Variants in PRKN observed in about 807,000 individuals in gnomAD.
PRKN encodes the protein parkin RBR E3 ubiquitin protein ligase, also known as E3 ubiquitin-protein ligase parkin.
In PRKN, 56 loss-of-function variants were observed where a neutral mutation model predicts 59.5. That is an observed-to-expected ratio of 0.94 (90% CI 0.76 to 1.18). The LOEUF (loss-of-function observed/expected upper bound fraction) is 1.18, where lower values mean the gene tolerates loss of function less well. Ranked by LOEUF, PRKN falls within the 50% of genes most tolerant of loss-of-function variation. The probability of loss-of-function intolerance (pLI) is 0.00; values close to 1 mark genes in which losing one functional copy is unlikely to be tolerated. For missense variants in PRKN, 657 were observed against 596.4 expected (o/e 1.10, Z -1.06); for synonymous variants, 250 against 222.1 (o/e 1.13, Z -1.12).
At chr6:161,847,658 G>A (rs1357891171) in intron 6 of PRKN, among the ~76,000 whole-genome samples, 1 of 151,214 alleles carries the variant, frequency 6.6e-6, no homozygotes, top group African/African-American at 2.4e-5. Flanking sequence ...TGCAAAATTA[G>A]CATAGTAAAA....
intron 1 of PRKN, among the ~76,000 whole-genome samples, chr6:162,445,998 G>A (rs1279793237): frequency 6.6e-6 from 1 of 152,078 alleles, no homozygotes; most frequent in East Asian, 1.9e-4. Context: ...AAGGAAGGAC[G>A]ACCAGTGACA....
At chr6:162,545,399 C>T (rs2846463) in intron 1 of PRKN, among the ~76,000 whole-genome samples, 143,231 of 152,242 alleles carry the variant, frequency 0.94, 67,499 homozygotes, top group Middle Eastern at 0.97. Flanking sequence ...TGTGAACTGC[C>T]AGAATTACAC....
At chr6:162,032,872 C>T (rs145886049) in intron 5 of PRKN, among the ~76,000 whole-genome samples, 3 of 152,276 alleles carry the variant, frequency 2.0e-5, no homozygotes, top group Non-Finnish European at 2.9e-5. Flanking sequence ...TGCAATCCAA[C>T]GAGAGATAAA....
intron 1 of PRKN, among the ~76,000 whole-genome samples, chr6:162,656,815 T>G (rs1778661814): frequency 6.6e-6 from 1 of 152,112 alleles, no homozygotes; most frequent in Admixed American, 6.6e-5. Flanking sequence ...TATTCCAGCA[T>G]AAGACATACT....
At position 161,546,921 on chromosome 6, in the gene PRKN, C is replaced by CT. The variant is rs540445076; in HGVS notation, c.1083+1932dup. 7.7e-4 allele frequency among the ~76,000 whole-genome samples: 117 copies of CT among 152,072 alleles called. No homozygotes were observed. Among genetic ancestry groups the CT allele is most frequent in the African/African-American group, 2.8e-3 (116 of 41,476 alleles). On this transcript the variant is annotated intron_variant, in intron 9 of 11. Coordinates refer to ENST00000366898, the MANE Select transcript of PRKN (RefSeq NM_004562.3). The surrounding 1 kb of genome is among the most constrained non-coding windows in gnomAD (Gnocchi z 4.4). ...ACAACAGCCAGTGAGGAACTGAGGA[C>CT]TTTTTTTGCCAACAGTCATGTGAAT...
rs1781356236 is a variant in PRKN, at chr6:161,581,969, A to G, written c.872-12553T>C. Among the ~76,000 whole-genome samples the G allele has an allele frequency of 6.6e-6, 1 of 151,664 alleles. No homozygotes were observed. The highest frequency in any genetic ancestry group is 1.5e-5 in the Non-Finnish European group (1 of 67,924). On this transcript the variant is annotated intron_variant, in intron 7 of 11. Transcript: ENST00000366898. The surrounding 1 kb of genome is among the most constrained non-coding windows in gnomAD (Gnocchi z 4.5). ...CGCTCATACTTCTTTGAACATATCC[A>G]CTCTCTTGTCTATTTTACATTATAA...
rs1043401476 is a variant in PRKN, at chr6:162,166,165, C to T, written c.534+34966G>A. Among the ~76,000 whole-genome samples, 8 of 151,838 alleles carry T rather than the reference C, an allele frequency of 5.3e-5. No individual in the cohort carries two copies. The East Asian group carries it at 5.8e-4, about 11-fold the overall frequency. ...ATTCAAGAGAGTCAAAACCTGGAGA[C>T]GGCCCAGGTGTCCCTCTACAGTAGA... On this transcript the variant is annotated intron_variant, in intron 4 of 11. Transcript: ENST00000366898.
Position 162,512,203 on chromosome 6 carries a change from G to C in PRKN, c.8-68730C>G, listed in dbSNP as rs1348610184. 1.3e-5 allele frequency among the ~76,000 whole-genome samples: 2 copies of C among 152,052 alleles called. 1 individual carries two copies. The highest frequency in any genetic ancestry group is 6.3e-3 in the Middle Eastern group (2 of 316). On this transcript the variant is annotated intron_variant, in intron 1 of 11. Coordinates refer to ENST00000366898, the MANE Select transcript of PRKN (RefSeq NM_004562.3). The stretch of plus-strand genomic sequence containing the variant: ...TTACAGCTTCTCCTTACTAAAAATG[G>C]GTTGTGTCATTTCTTATTACAACAA...
chr6:161,350,801 T>A (rs1226400561), intron 11 of PRKN, among the ~76,000 whole-genome samples: 2 of 38,428 alleles, frequency 5.2e-5, no homozygotes, highest in East Asian at 9.3e-4. Context: ...ATATTTAAAA[T>A]ATATATATTT....
intron 2 of PRKN, among the ~76,000 whole-genome samples, chr6:162,441,525 G>A (rs1415653388): frequency 2.0e-5 from 3 of 152,172 alleles, no homozygotes; most frequent in East Asian, 1.9e-4. Context: ...GGTGCGATAC[G>A]GCAGTTATGT....
Position 161,366,111 on chromosome 6 carries a change from G to A in PRKN, c.1168-5906C>T, listed in dbSNP as rs139195890. Among the ~76,000 whole-genome samples, 21 of 152,304 alleles carry A rather than the reference G, an allele frequency of 1.4e-4. No homozygotes were observed. The East Asian group carries it at 3.9e-3, about 28-fold the overall frequency. ...TTTGGGAGGTGATTAGGTCATGAGG[G>A]TGGAGCTCTTATGAAGGGATTCGTG... On this transcript the variant is annotated intron_variant, in intron 10 of 11. Transcript: ENST00000366898.
At chr6:162,246,927 A>G (rs540083332) in intron 3 of PRKN, among the ~76,000 whole-genome samples, 1 of 152,310 alleles carries the variant, frequency 6.6e-6, no homozygotes, top group East Asian at 1.9e-4. Context: ...ATCTTCAGAC[A>G]GCTAGGTAAT....
intron 4 of PRKN, among the ~76,000 whole-genome samples, chr6:162,060,613 T>C (rs1472660571): frequency 2.0e-5 from 3 of 152,208 alleles, no homozygotes; most frequent in Non-Finnish European, 2.9e-5. Context: ...AATTGAAGTA[T>C]GTAACTGACT....
chr6:161,514,765 G>C (rs1404912892), intron 9 of PRKN, among the ~76,000 whole-genome samples: 1 of 152,142 alleles, frequency 6.6e-6, no homozygotes, highest in African/African-American at 2.4e-5. Flanking sequence ...TGGGAACCAG[G>C]AGACCAGAAG....
At chr6:162,021,473 T>A (rs1442823827) in intron 5 of PRKN, among the ~76,000 whole-genome samples, 3 of 142,662 alleles carry the variant, frequency 2.1e-5, no homozygotes, top group African/African-American at 8.0e-5. Flanking sequence ...TTTTTTTTTT[T>A]TTTTCCTTAA....
rs1403611798 is a variant in PRKN at position 161,423,559 on chromosome 6, C to G, written c.1084-36682G>C. 6.6e-6 allele frequency among the ~76,000 whole-genome samples: 1 copy of G among 152,142 alleles called. No homozygotes were observed. Among genetic ancestry groups the G allele is most frequent in the Non-Finnish European group, 1.5e-5 (1 of 68,034 alleles). On this transcript the variant is annotated intron_variant, in intron 9 of 11. Transcript: ENST00000366898. The surrounding 1 kb of genome is among the most constrained non-coding windows in gnomAD (Gnocchi z 5.9). Reference sequence around the variant, plus strand: ...AAATTCCTTGATTTGGGGCCAATGACAAGCAAGACATTTACAGATTTAGAT... The same window carrying G: ...AAATTCCTTGATTTGGGGCCAATGAGAAGCAAGACATTTACAGATTTAGAT...
chr6:161,849,406 T>G (rs185392174), intron 6 of PRKN, among the ~76,000 whole-genome samples: 2 of 152,328 alleles, frequency 1.3e-5, no homozygotes, highest in Non-Finnish European at 1.5e-5. Context: ...TTTAAACTAA[T>G]TGCATCTACT....
chr6:161,715,800 G>A (rs1786949885), intron 7 of PRKN, among the ~76,000 whole-genome samples: 1 of 152,180 alleles, frequency 6.6e-6, no homozygotes, highest in African/African-American at 2.4e-5. Context: ...TGGGGGGAAT[G>A]ACGGGAAGCT....
intron 7 of PRKN, among the ~76,000 whole-genome samples, chr6:161,660,587 A>C (rs1192021077): frequency 2.0e-5 from 3 of 152,180 alleles, no homozygotes; most frequent in Admixed American, 6.5e-5. Context: ...GATTGTGAAC[A>C]AAAGAAAAAA....
Sources: allele counts gnomAD v4.1 joint callset (sites outside exome capture counted in the v4.1 genomes callset), GRCh38; gene constraint gnomAD v4.1.1; non-coding constraint Gnocchi (gnomAD v3.1); transcripts MANE v1.5; gene names NCBI Gene and HGNC (gene_info 2026-07-23, HGNC 2026-07-21).